PARP8: variants seen among roughly 807,000 people sequenced by gnomAD.
PARP8 encodes protein mono-ADP-ribosyltransferase PARP8.
PARP8 carries 51 observed loss-of-function variants against 124.1 expected under a neutral mutation model. That is an observed-to-expected ratio of 0.41 (90% CI 0.33 to 0.52). The LOEUF (loss-of-function observed/expected upper bound fraction) is 0.52, where lower values mean the gene tolerates loss of function less well. Among genes scored for constraint, PARP8 ranks in the 20% least tolerant of loss-of-function variants. The pLI is 0.21. For missense variants in PARP8, 860 were observed against 1,018.9 expected (o/e 0.84, Z 2.12); for synonymous variants, 391 against 361.5 (o/e 1.08, Z -0.93).
rs75749077 is a variant in PARP8, at chr5:50,770,677, A to G, written c.519-7392A>G. 7.4e-3 allele frequency among the ~76,000 whole-genome samples: 1,126 copies of G among 151,758 alleles called. 14 individuals carry two copies. Among genetic ancestry groups the G allele is most frequent in the African/African-American group, 0.026 (1,056 of 41,214 alleles). On this transcript the variant is annotated intron_variant, in intron 7 of 25. Coordinates refer to ENST00000281631, the MANE Select transcript of PARP8 (RefSeq NM_024615.4). The stretch of plus-strand genomic sequence containing the variant: ...AAAGAGGAAAGAAAGAAAAGAAAGA[A>G]ATAACGAAAGAAAGCAAGCAAAGAA...
At chr5:50,744,715 C>CTT in intron 2 of PARP8, 1 of 629,442 alleles carries the variant, frequency 1.6e-6, no homozygotes, top group South Asian at 1.7e-5. Flanking sequence ...ATTCTGAAGG[C>CTT]TTTTTTTTTT....
intron 2 of PARP8, among the ~76,000 whole-genome samples, chr5:50,711,375 C>T (rs1223922663): frequency 6.6e-6 from 1 of 152,014 alleles, no homozygotes; most frequent in South Asian, 2.1e-4. Context: ...GTGACTTGTC[C>T]CTCTGGCCTG....
chr5:50,677,259 A>G (rs1750736655), intron 2 of PARP8, among the ~76,000 whole-genome samples: 2 of 151,536 alleles, frequency 1.3e-5, no homozygotes, highest in African/African-American at 4.9e-5. Context: ...CTCCATGGAT[A>G]TAAGCTGATG....
chr5:50,802,210 T>C (rs1258350351), intron 14 of PARP8, among the ~76,000 whole-genome samples: 2 of 152,224 alleles, frequency 1.3e-5, no homozygotes, highest in African/African-American at 4.8e-5. Context: ...AGTGTACCAT[T>C]TTAATTCCCA....
At chr5:50,740,999 T>C (rs1757987799) in intron 2 of PARP8, among the ~76,000 whole-genome samples, 1 of 152,162 alleles carries the variant, frequency 6.6e-6, no homozygotes, top group Admixed American at 6.5e-5. Flanking sequence ...TATAGAGTTA[T>C]TCAGTCGTAT....
chr5:50,685,898 T>C (rs1751806562), intron 2 of PARP8, among the ~76,000 whole-genome samples: 1 of 152,152 alleles, frequency 6.6e-6, no homozygotes, highest in Admixed American at 6.5e-5. Flanking sequence ...GCCCCCATGA[T>C]TCAATTACTT....
chr5:50,726,168 G>A, intron 2 of PARP8, among the ~76,000 whole-genome samples: 1 of 151,722 alleles, frequency 6.6e-6, no homozygotes. Context: ...AACAGACCTG[G>A]GTTTGAAGCT....
At chr5:50,822,547 C>G in intron 17 of PARP8, 147 bp downstream of exon 17, 2 of 615,518 alleles carry the variant, frequency 3.2e-6, no homozygotes, top group South Asian at 4.2e-5. Flanking sequence ...CATCAGTGTA[C>G]TAGCATGTAA....
At chr5:50,814,407 G>A (rs1450479763) in intron 14 of PARP8, among the ~76,000 whole-genome samples, 1 of 152,052 alleles carries the variant, frequency 6.6e-6, no homozygotes, top group Non-Finnish European at 1.5e-5. Context: ...GCTTGAATCT[G>A]GATGAAGAAC....
intron 9 of PARP8, among the ~76,000 whole-genome samples, chr5:50,783,413 C>T (rs1466910169): frequency 6.6e-6 from 1 of 152,120 alleles, no homozygotes; most frequent in African/African-American, 2.4e-5. Flanking sequence ...ATGTGTATAT[C>T]CTTGTCAAAT....
intron 25 of PARP8, among the ~76,000 whole-genome samples, chr5:50,835,912 C>T (rs966591804): frequency 2.0e-5 from 3 of 152,182 alleles, no homozygotes; most frequent in African/African-American, 7.2e-5. Context: ...CTGTTCCCAC[C>T]TTATCCATGA....
At chr5:50,779,003 A>T (rs771127381) in intron 9 of PARP8, among the ~76,000 whole-genome samples, 6 of 152,166 alleles carry the variant, frequency 3.9e-5, no homozygotes, top group Non-Finnish European at 7.3e-5. Context: ...TTCAATTTTA[A>T]TGCAATATAA....
chr5:50,806,003 TTGATCTA>T (rs1484325797), intron 14 of PARP8, among the ~76,000 whole-genome samples: 2 of 152,064 alleles, frequency 1.3e-5, no homozygotes. Flanking sequence ...CCTGTTGATA[TTGATCTA>T]TTGCTTGTTC....
chr5:50,678,771 G>C (rs56670602), intron 2 of PARP8, among the ~76,000 whole-genome samples: 79,521 of 151,960 alleles, frequency 0.52, 22,759 homozygotes, highest in Non-Finnish European at 0.63. Flanking sequence ...TCTTGGAAAT[G>C]TACAGAGTCT....
chr5:50,678,028 C>T (rs1269920013), intron 2 of PARP8, among the ~76,000 whole-genome samples: 1 of 151,618 alleles, frequency 6.6e-6, no homozygotes, highest in African/African-American at 2.4e-5. Flanking sequence ...TGGCACAGAA[C>T]TAAAATTGAT....
chr5:50,754,081 G>T (rs1210416508), intron 3 of PARP8, among the ~76,000 whole-genome samples: 4 of 136,038 alleles, frequency 2.9e-5, no homozygotes, highest in African/African-American at 5.8e-5. Context: ...TCAAGATGGA[G>T]AATTCCAGTG....
chr5:50,791,643 C>T (rs1490796781), intron 10 of PARP8, among the ~76,000 whole-genome samples: 1 of 152,164 alleles, frequency 6.6e-6, no homozygotes, highest in Non-Finnish European at 1.5e-5. Flanking sequence ...GGTATCCTAT[C>T]ATTCAAAGGC....
chr5:50,674,047 A>G (rs1406080626), intron 2 of PARP8, among the ~76,000 whole-genome samples: 2 of 152,196 alleles, frequency 1.3e-5, no homozygotes, highest in Non-Finnish European at 2.9e-5. Flanking sequence ...AATTTCTGAA[A>G]TTCCATCTTT....
At chr5:50,836,762 G>A (rs1323036683) in intron 25 of PARP8, among the ~76,000 whole-genome samples, 1 of 152,074 alleles carries the variant, frequency 6.6e-6, no homozygotes, top group African/African-American at 2.4e-5. Context: ...ATTTTTTTCT[G>A]TCTTCTTTCT....
Sources: gnomAD v4.1 joint callset for allele counts (sites outside exome capture counted in the v4.1 genomes callset) on GRCh38, gnomAD v4.1.1 for gene constraint, MANE v1.5 for transcripts, NCBI Gene and HGNC (gene_info 2026-07-23, HGNC 2026-07-21) for gene names.